Variants in SPATA13 observed in about 807,000 individuals in gnomAD.
SPATA13 encodes spermatogenesis associated 13.
Under a neutral mutation model 104.0 loss-of-function variants are expected in SPATA13, and 50 were observed. The ratio of observed to expected loss-of-function variants is 0.48; its 90% CI spans 0.38 to 0.61. SPATA13 has a LOEUF of 0.61. Ranked by LOEUF, SPATA13 falls within the 20% of genes least tolerant of loss-of-function variation. SPATA13 has a pLI of 0.00. For missense variants in SPATA13, 1,524 were observed against 1,690.6 expected (o/e 0.90, Z 1.73); for synonymous variants, 606 against 667.5 (o/e 0.91, Z 1.42).
At chr13:24,283,739 T>C (rs3915936) in intron 4 of SPATA13, among the ~76,000 whole-genome samples, 86,773 of 152,100 alleles carry the variant, frequency 0.57, 24,852 homozygotes, top group Middle Eastern at 0.74. Flanking sequence ...AGATAAAGGA[T>C]GGAAGCAGAA....
chr13:24,053,655 C>T (rs534313759), intron 3 of SPATA13, among the ~76,000 whole-genome samples: 3 of 152,180 alleles, frequency 2.0e-5, no homozygotes, highest in South Asian at 2.1e-4. Flanking sequence ...CTGTCTAAGA[C>T]ACCTGGGGCT....
chr13:24,055,909 C>T (rs1411650996), intron 3 of SPATA13, among the ~76,000 whole-genome samples: 1 of 152,198 alleles, frequency 6.6e-6, no homozygotes, highest in Admixed American at 6.5e-5. Flanking sequence ...AGACAAATGG[C>T]GTTGGCAATG....
Position 24,286,894 on chromosome 13 carries a change from C to T in SPATA13, c.2611C>T (p.Arg871Trp), listed in dbSNP as rs777917933. ...GCAGCAGATGCGGACCAACGTCATC[C>T]GGGAGATCATGGACACCGAGCGGGT... is the stretch of plus-strand genomic sequence containing the variant. ...NKQQMRTNVIREIMDTERVYI... is the reference protein window; with the variant it reads ...NKQQMRTNVIWEIMDTERVYI... Residue 871 changes from arginine to tryptophan, a missense_variant, in exon 7 of 13, where the codon CGG becomes TGG. Arg to Trp is a moderately radical substitution (Grantham distance 101). Coordinates refer to ENST00000382108, the MANE Select transcript of SPATA13 (RefSeq NM_001166271.3). This position sits in a 1 kb window ranked among gnomAD's most constrained non-coding sequence, Gnocchi z 4.9. 6.2e-6 allele frequency: 10 copies of T among 1,613,736 alleles called. No individual in the cohort carries two copies. In the East Asian group the frequency reaches 8.9e-5, roughly 14 times the overall value.
chr13:23,984,044 A>G (rs1875035524), intron 2 of SPATA13: 1 of 727,286 alleles, frequency 1.4e-6, no homozygotes, highest in African/African-American at 1.9e-5. Flanking sequence ...TAGAATTTGA[A>G]GGTTTTCACT....
intron 3 of SPATA13, among the ~76,000 whole-genome samples, chr13:24,019,213 C>T (rs1052093541): frequency 4.0e-5 from 6 of 150,142 alleles, no homozygotes; most frequent in Non-Finnish European, 7.4e-5. Flanking sequence ...CTCAGCCTCC[C>T]AAGTAGCTGG....
chr13:24,246,120 T>A (rs76923872), intron 2 of SPATA13, among the ~76,000 whole-genome samples: 2,318 of 152,212 alleles, frequency 0.015, 23 homozygotes, highest in Middle Eastern at 0.031. Context: ...AAAAACTAAC[T>A]AAAAATAGAA....
chr13:24,046,556 T>TTTTTTTTTTTTTTTTTTTTGA (rs1312966281), intron 3 of SPATA13, among the ~76,000 whole-genome samples: 8 of 150,512 alleles, frequency 5.3e-5, no homozygotes, highest in African/African-American at 2.0e-4. Context: ...TGTACTCTTT[T>TTTTTTTTTTTTTTTTTTTTGA]GTGTCTGGCC....
At chr13:24,264,465 A>G (rs1413662312) in intron 4 of SPATA13, among the ~76,000 whole-genome samples, 2 of 152,214 alleles carry the variant, frequency 1.3e-5, no homozygotes, top group Non-Finnish European at 2.9e-5. Flanking sequence ...ATGAGTAGAT[A>G]GTGGAGCTAG....
chr13:24,221,737 G>A (rs1871595456), intron 1 of SPATA13, among the ~76,000 whole-genome samples: 1 of 151,852 alleles, frequency 6.6e-6, no homozygotes, highest in Non-Finnish European at 1.5e-5. Flanking sequence ...GCAGTAGTGT[G>A]TGGTTGTCAG....
chr13:24,007,178 G>C (rs765389334), intron 2 of SPATA13, among the ~76,000 whole-genome samples: 1 of 152,142 alleles, frequency 6.6e-6, no homozygotes, highest in African/African-American at 2.4e-5. Context: ...GGCCTGTGCC[G>C]GTTGCCTGGT....
intron 2 of SPATA13, among the ~76,000 whole-genome samples, chr13:23,986,167 G>T (rs938929790): frequency 4.6e-5 from 7 of 152,204 alleles, no homozygotes; most frequent in African/African-American, 1.7e-4. Flanking sequence ...TACACATTAG[G>T]TATTTCGGCT....
intron 11 of SPATA13, 77 bp downstream of exon 11, chr13:24,297,812 G>T: frequency 6.7e-7 from 1 of 1,495,638 alleles, no homozygotes; most frequent in Non-Finnish European, 8.9e-7. Context: ...CCATGGGCCT[G>T]CTCTGCCCAG....
Position 24,302,861 on chromosome 13 carries a change from T to G in SPATA13, c.*88T>G. The G allele has an allele frequency of 6.4e-7, 1 of 1,564,492 alleles. No homozygotes were observed. The highest frequency in any genetic ancestry group is 8.7e-7 in the Non-Finnish European group (1 of 1,143,686). ...GTGCTTCAATCCAGGGAAAGTTTCT[T>G]GGACCCAGTGATAAAAACTTCCTTT... On this transcript the variant is annotated 3_prime_UTR_variant, in exon 13 of 13. Coordinates refer to ENST00000382108, the MANE Select transcript of SPATA13 (RefSeq NM_001166271.3).
chr13:24,175,841 A>G (rs975377440), intron 1 of SPATA13, among the ~76,000 whole-genome samples: 1 of 152,260 alleles, frequency 6.6e-6, no homozygotes, highest in African/African-American at 2.4e-5. Flanking sequence ...TAGAAATCCC[A>G]GTGGCTTCTA....
chr13:24,077,634 A>G (rs1341012536), intron 3 of SPATA13, among the ~76,000 whole-genome samples: 1 of 152,188 alleles, frequency 6.6e-6, no homozygotes, highest in Non-Finnish European at 1.5e-5. Context: ...TTTAAAAAAA[A>G]AAGACAAAAC....
At chr13:24,044,221 TTTTC>T (rs1566083654) in intron 3 of SPATA13, among the ~76,000 whole-genome samples, 6 of 138,582 alleles carry the variant, frequency 4.3e-5, no homozygotes, top group African/African-American at 1.6e-4. Context: ...TTTAATTTGT[TTTTC>T]TTTCTTTCTT....
intron 1 of SPATA13, 55 bp from the exon 2 acceptor site, chr13:24,222,764 A>C (rs1448612429): frequency 7.0e-7 from 1 of 1,436,498 alleles, no homozygotes; most frequent in Non-Finnish European, 9.3e-7. Flanking sequence ...TTCTGTGAGC[A>C]GAGGGGCTAC....
chr13:24,208,438 A>G lies in SPATA13; in HGVS notation c.-111-14381A>G, dbSNP rs573938417. On this transcript the variant is annotated intron_variant, in intron 1 of 12. Transcript: ENST00000382108. ...TGAAACAGTGTAATTCATAATCCCC[A>G]GTGCTCCTAGCACTCCAGTGAGTGA... 4.6e-5 allele frequency among the ~76,000 whole-genome samples: 7 copies of G among 152,354 alleles called. No individual in the cohort carries two copies. The South Asian group carries it at 1.4e-3, about 32-fold the overall frequency.
chr13:24,217,405 C>G (rs1871315232), intron 1 of SPATA13, among the ~76,000 whole-genome samples: 1 of 152,236 alleles, frequency 6.6e-6, no homozygotes, highest in Admixed American at 6.5e-5. Context: ...AAAGAACCAT[C>G]TGGCCCAGAT....
Sources: allele counts gnomAD v4.1 joint callset (sites outside exome capture counted in the v4.1 genomes callset), GRCh38; gene constraint gnomAD v4.1.1; non-coding constraint Gnocchi (gnomAD v3.1); transcripts MANE v1.5; gene names NCBI Gene and HGNC (gene_info 2026-07-23, HGNC 2026-07-21).